Variants in HOXB6 observed in about 807,000 individuals in gnomAD.
HOXB6 encodes the protein homeobox protein Hox-B6.
HOXB6 carries 18 observed loss-of-function variants against 24.2 expected under a neutral mutation model. The observed-to-expected ratio is 0.74, with a 90% CI of 0.51 to 1.10. The LOEUF (loss-of-function observed/expected upper bound fraction) is 1.10, where lower values mean the gene tolerates loss of function less well. Among genes scored for constraint, HOXB6 ranks in the 50% least tolerant of loss-of-function variants. The pLI, the probability that HOXB6 is intolerant of heterozygous loss-of-function variation, is 0.00. For missense variants in HOXB6, 332 were observed against 308.3 expected, an observed-to-expected ratio of 1.08 and a Z score of -0.58; for synonymous variants, 159 against 139.1, an observed-to-expected ratio of 1.14 and a Z score of -1.01.
chr17:48,603,858 T>A (rs905048297), intron 2 of HOXB6: 1 of 152,544 alleles, frequency 6.6e-6, no homozygotes, highest in African/African-American at 2.4e-5. Flanking sequence ...AGCCCTTTAA[T>A]TTCAAAAATG....
chr17:48,596,300 G>A lies in HOXB6; in HGVS notation c.*113C>T. The A allele has an allele frequency of 6.6e-7, 1 of 1,515,870 alleles. No individual in the cohort carries two copies. 93.9% of individuals were successfully genotyped at this position (1,515,870 alleles called of 1,614,324 possible). ...CGCTGGGCCCCGCCTGTCTGCGCCG[G>A]AGAGCAGGTCTCCTGGCTCCCCCAC... On this transcript the variant is annotated 3_prime_UTR_variant, in exon 4 of 4. Transcript: ENST00000225648. This position sits in a 1 kb window ranked among gnomAD's most constrained non-coding sequence, Gnocchi z 4.8.
chr17:48,596,980 T>G lies in HOXB6; in HGVS notation c.416-308A>C. On this transcript the variant is annotated intron_variant, in intron 3 of 3. Coordinates refer to ENST00000225648, the MANE Select transcript of HOXB6 (RefSeq NM_018952.5). This position sits in a 1 kb window ranked among gnomAD's most constrained non-coding sequence, Gnocchi z 4.8. ...CATCTTGTCTTTCCCTCCCTTTCCA[T>G]CCATCTTGTTCCCACCCCCCGTCAT... is the stretch of plus-strand genomic sequence containing the variant. The G allele has an allele frequency of 7.9e-7, 1 of 1,271,982 alleles. No individual in the cohort carries two copies. Among genetic ancestry groups the G allele is most frequent in the Non-Finnish European group, 1.0e-6 (1 of 992,730 alleles). 78.8% of individuals were successfully genotyped at this position (1,271,982 alleles called of 1,614,324 possible).
At chr17:48,602,860 T>C (rs1252516550) in intron 2 of HOXB6, among the ~76,000 whole-genome samples, 3 of 152,202 alleles carry the variant, frequency 2.0e-5, no homozygotes, top group Non-Finnish European at 2.9e-5. Flanking sequence ...TATGGGTGGG[T>C]TTGGGAAATT....
chr17:48,600,905 C>A (rs1299517268), intron 2 of HOXB6, among the ~76,000 whole-genome samples: 1 of 152,276 alleles, frequency 6.6e-6, no homozygotes, highest in South Asian at 2.1e-4. Context: ...CAAGCTAACA[C>A]ATTCCAGCTC....
chr17:48,600,407 C>T (rs2070430496), intron 2 of HOXB6: 1 of 452,684 alleles, frequency 2.2e-6, no homozygotes, highest in African/African-American at 2.0e-5. Context: ...ATTGCCTTAT[C>T]TTTAGAGTCA....
In HOXB6 at chr17:48,596,648, C is replaced by T; in HGVS notation, c.440G>A (p.Arg147Gln). Residue 147 changes from arginine (R) to glutamine (Q), a missense_variant, in exon 4 of 4, where the codon CGG becomes CAG. Physicochemically the swap from Arg to Gln is conservative, Grantham distance 43. Coordinates refer to ENST00000225648, the MANE Select transcript of HOXB6 (RefSeq NM_018952.5). The surrounding 1 kb of genome is among the most constrained non-coding windows in gnomAD (Gnocchi z 4.8). Reference sequence around the variant, plus strand: ...ACGTGTGTATGTCTGGCGGCCTCGCCGGCCGCTGGGCCCAAAGGAGGAACC... The same window carrying T: ...ACGTGTGTATGTCTGGCGGCCTCGCTGGCCGCTGGGCCCAAAGGAGGAACC... ...CNSSSFGPSG[R>Q]RGRQTYTRYQ... 1.9e-6 allele frequency: 3 copies of T among 1,613,580 alleles called. No individual in the cohort carries two copies. The highest frequency in any genetic ancestry group is 8.5e-7 in the Non-Finnish European group (1 of 1,180,016).
intron 2 of HOXB6, 150 bp from the exon 3 acceptor site, chr17:48,598,378 G>C (rs2070374176): frequency 2.0e-6 from 1 of 494,322 alleles, no homozygotes; most frequent in East Asian, 3.2e-5. Flanking sequence ...AGCGCAGCCC[G>C]CACGAGGGAC....
At position 48,599,582 on chromosome 17, in the gene HOXB6, A is replaced by T. The variant is rs2070407126; in HGVS notation, c.-78-1354T>A. ...CTCAGCATCGCTACAATTCCCTCCC[A>T]CACCCCGTGTTTGTATCATCAGCTT... On this transcript the variant is annotated intron_variant, in intron 2 of 3. Coordinates refer to ENST00000225648, the MANE Select transcript of HOXB6 (RefSeq NM_018952.5). 1.3e-5 allele frequency among the ~76,000 whole-genome samples: 2 copies of T among 152,022 alleles called. 1 individual carries two copies. The highest frequency in any genetic ancestry group is 3.8e-4 in the East Asian group (2 of 5,196).
rs936804763 is a variant in HOXB6 at position 48,604,847 on chromosome 17, CTCT to C, written c.-215+12_-215+14del. 1.3e-5 allele frequency: 2 copies of C among 151,376 alleles called. No individual in the cohort carries two copies. Among genetic ancestry groups the C allele is most frequent in the African/African-American group, 4.9e-5 (2 of 41,204 alleles). The allele number at this position is 151,376 out of a possible 1,614,324, so 9.4% of individuals were successfully genotyped here. On this transcript the variant is annotated intron_variant, in intron 1 of 3. Transcript: ENST00000225648. Reference sequence around the variant, plus strand: ...TCTCCCTCTCCCTCTCGCGCTCTCTCTCTTTTCTCCTCACCCCCCTCTCTCGTC... The same window carrying C: ...TCTCCCTCTCCCTCTCGCGCTCTCTCTTTCTCCTCACCCCCCTCTCTCGTC...
Position 48,596,852 on chromosome 17 carries a change from C to A in HOXB6, c.416-180G>T. The A allele has an allele frequency of 7.9e-7, 1 of 1,260,626 alleles. No individual in the cohort carries two copies. Among genetic ancestry groups the A allele is most frequent in the Non-Finnish European group, 1.1e-6 (1 of 919,660 alleles). 78.1% of individuals were successfully genotyped at this position (1,260,626 alleles called of 1,614,324 possible). On this transcript the variant is annotated intron_variant, in intron 3 of 3. Transcript: ENST00000225648. This position sits in a 1 kb window ranked among gnomAD's most constrained non-coding sequence, Gnocchi z 4.8. Reference sequence around the variant, plus strand: ...CAGATTCCCTCCTAGTCTCCTAGGCCTGTGCCGTCTGTCTAGACTCTAGAT... The same window carrying A: ...CAGATTCCCTCCTAGTCTCCTAGGCATGTGCCGTCTGTCTAGACTCTAGAT...
chr17:48,599,314 TC>T (rs1472594987), intron 2 of HOXB6, among the ~76,000 whole-genome samples: 4 of 152,186 alleles, frequency 2.6e-5, no homozygotes, highest in African/African-American at 9.6e-5. Context: ...TCATTCTTCT[TC>T]CAGTTGTGGG....
In HOXB6 at chr17:48,595,832, G is replaced by A. The variant is rs74663397; in HGVS notation, c.*581C>T. 4.8e-3 allele frequency: 989 copies of A among 206,202 alleles called. 15 individuals carry two copies. Among genetic ancestry groups the A allele is most frequent in the African/African-American group, 0.023 (925 of 40,868 alleles). 12.8% of individuals were successfully genotyped at this position (206,202 alleles called of 1,614,324 possible). A position where few individuals can be genotyped will look rare whatever the true frequency, so the allele number is the denominator to read the frequency against. ...CATCATCATCATCATCATCATCATC[G>A]AAGTATTTCACGTCCAGAGCTAAGA... is the stretch of plus-strand genomic sequence containing the variant. On this transcript the variant is annotated 3_prime_UTR_variant, in exon 4 of 4. Transcript: ENST00000225648.
chr17:48,598,131 T>C lies in HOXB6; in HGVS notation c.20A>G (p.Asn7Ser). The change falls in exon 3 of 4, where the codon AAC (asparagine) becomes AGC (serine). Residue 7 changes from asparagine (N) to serine (S), a missense_variant. Coordinates refer to ENST00000225648, the MANE Select transcript of HOXB6 (RefSeq NM_018952.5). The part of the protein sequence containing the change: MSSYFV[N>S]STFPVTLASG... ...GGCCAGAGTGACGGGGAAGGTGGAGTTCACGAAATAGGAACTCATTGGGAG... is the reference window on the plus strand; with the variant it reads ...GGCCAGAGTGACGGGGAAGGTGGAGCTCACGAAATAGGAACTCATTGGGAG... 1.3e-6 allele frequency: 2 copies of C among 1,591,178 alleles called. No homozygotes were observed.
chr17:48,604,731 T>G (rs2070543280), intron 1 of HOXB6, 116 bp from the exon 2 acceptor site: 1 of 152,250 alleles, frequency 6.6e-6, no homozygotes, highest in South Asian at 2.1e-4. Context: ...TTACCCTCCA[T>G]GGTGACTAAA....
Position 48,597,855 on chromosome 17 carries a change from A to G in HOXB6, c.296T>C (p.Phe99Ser), listed in dbSNP as rs1418395558. Reference protein sequence around the residue: ...ALSGADEQPPFHPEPRKSDCA... With the variant: ...ALSGADEQPPSHPEPRKSDCA... Reference sequence around the variant, plus strand: ...GTCCGACTTCCGCGGCTCGGGGTGGAACGGGGGCTGCTCGTCGGCGCCGGA... The same window carrying G: ...GTCCGACTTCCGCGGCTCGGGGTGGGACGGGGGCTGCTCGTCGGCGCCGGA... Residue 99 changes from phenylalanine to serine, a missense_variant, in exon 3 of 4, where the codon TTC (phenylalanine) becomes TCC (serine). By Grantham distance (155) the Phe-to-Ser change is radical. Coordinates refer to ENST00000225648, the MANE Select transcript of HOXB6 (RefSeq NM_018952.5). 2 of 1,597,566 alleles carry G rather than the reference A, an allele frequency of 1.3e-6. No homozygotes were observed. The highest frequency in any genetic ancestry group is 1.7e-5 in the Admixed American group (1 of 58,586).
chr17:48,604,555 T>G lies in HOXB6; in HGVS notation c.-154A>C, dbSNP rs1039074934. 1 of 152,668 alleles carries G rather than the reference T, an allele frequency of 6.6e-6. No homozygotes were observed. The highest frequency in any genetic ancestry group is 2.4e-5 in the African/African-American group (1 of 41,456). The allele number at this position is 152,668 out of a possible 1,614,324, so 9.5% of individuals were successfully genotyped here. A position where few individuals can be genotyped will look rare whatever the true frequency, so the allele number is the denominator to read the frequency against. ...GGGAGGAAGGAAGGAGTATTCAGTT[T>G]CTTCTTCAGCTTCCAGATAATATTG... is the stretch of plus-strand genomic sequence containing the variant. On this transcript the variant is annotated 5_prime_UTR_variant, in exon 2 of 4. Transcript: ENST00000225648.
At chr17:48,600,343 A>C (rs1456340431) in intron 2 of HOXB6, 2 of 414,056 alleles carry the variant, frequency 4.8e-6, no homozygotes, top group Non-Finnish European at 9.6e-6. Context: ...AGTCTGAACA[A>C]AATAAGATCT....
In HOXB6 at chr17:48,597,860, G is replaced by A. The variant is rs747940560; in HGVS notation, c.291C>T (p.Pro97=). 8.1e-6 allele frequency: 13 copies of A among 1,596,254 alleles called. No individual in the cohort carries two copies. Among genetic ancestry groups the A allele is most frequent in the Admixed American group, 6.8e-5 (4 of 58,438 alleles). The stretch of plus-strand genomic sequence containing the variant: ...ACTTCCGCGGCTCGGGGTGGAACGG[G>A]GGCTGCTCGTCGGCGCCGGAGAGTG... ...ACALSGADEQ[P]PFHPEPRKSD... is the part of the protein sequence containing the mutation. Residue 97 remains proline, a synonymous_variant, in exon 3 of 4, where the codon CCC becomes CCT. Transcript: ENST00000225648.
At chr17:48,603,818 G>C (rs1317028495) in intron 2 of HOXB6, 1 of 152,366 alleles carries the variant, frequency 6.6e-6, no homozygotes. Flanking sequence ...TGAGGGGGGA[G>C]TCTCCCTCAT....
Sources: allele counts gnomAD v4.1 joint callset (sites outside exome capture counted in the v4.1 genomes callset), GRCh38; gene constraint gnomAD v4.1.1; non-coding constraint Gnocchi (gnomAD v3.1); transcripts MANE v1.5; gene names NCBI Gene and HGNC (gene_info 2026-07-23, HGNC 2026-07-21).